The following MEIS1 variants were observed in gnomAD, a reference collection of about 807,000 sequenced individuals.
MEIS1 encodes Meis homeobox 1, also known as homeobox protein Meis1.
In MEIS1, 5 loss-of-function variants were observed where a neutral mutation model predicts 50.8. The ratio of observed to expected loss-of-function variants is 0.10; its 90% CI spans 0.05 to 0.21. The LOEUF (loss-of-function observed/expected upper bound fraction) is 0.21. Among genes scored for constraint, MEIS1 ranks in the 10% least tolerant of loss-of-function variants. The pLI, the probability that MEIS1 is intolerant of heterozygous loss-of-function variation, is 1.00. For missense variants in MEIS1, 318 were observed against 517.3 expected (o/e 0.61, Z 3.74); for synonymous variants, 176 against 179.3 (o/e 0.98, Z 0.15).
At chr2:66,541,522 C>T (rs1452035685) in intron 8 of MEIS1, among the ~76,000 whole-genome samples, 1 of 152,174 alleles carries the variant, frequency 6.6e-6, no homozygotes, top group Non-Finnish European at 1.5e-5. Context: ...CTACCTGACA[C>T]CTCCACTGGC....
intron 7 of MEIS1, among the ~76,000 whole-genome samples, chr2:66,506,430 A>G (rs879318508): frequency 1.3e-5 from 2 of 152,172 alleles, no homozygotes; most frequent in Non-Finnish European, 2.9e-5. Context: ...GCATGGTGCC[A>G]TGAGAACTTC....
intron 9 of MEIS1, among the ~76,000 whole-genome samples, chr2:66,558,308 AAAAAG>A (rs1411957502): frequency 1.3e-5 from 2 of 151,008 alleles, no homozygotes; most frequent in African/African-American, 2.4e-5. Flanking sequence ...AAAAAAAGAA[AAAAAG>A]AAAAGAAAAA....
chr2:66,568,529 C>T, intron 10 of MEIS1, 138 bp from the exon 11 acceptor site: 2 of 344,236 alleles, frequency 5.8e-6, no homozygotes. Context: ...AGAAATTTCA[C>T]TTTGAATGTT....
chr2:66,436,870 T>TA, intron 1 of MEIS1: 1 of 799,930 alleles, frequency 1.3e-6, no homozygotes, highest in African/African-American at 2.3e-5. Flanking sequence ...AATATGAAAG[T>TA]AGTTTTTTTT....
chr2:66,486,333 A>G (rs1431360302), intron 7 of MEIS1, among the ~76,000 whole-genome samples: 7 of 152,234 alleles, frequency 4.6e-5, no homozygotes, highest in African/African-American at 1.4e-4. Context: ...CAGTTTTCCC[A>G]ACACCATTTA....
intron 8 of MEIS1, among the ~76,000 whole-genome samples, chr2:66,543,333 C>A (rs1228170507): frequency 6.6e-6 from 1 of 152,152 alleles, no homozygotes; most frequent in Non-Finnish European, 1.5e-5. Context: ...TCCAGAAATA[C>A]ATGAAGAGTG....
intron 7 of MEIS1, among the ~76,000 whole-genome samples, chr2:66,485,170 A>G (rs1438504530): frequency 1.3e-5 from 2 of 152,242 alleles, no homozygotes; most frequent in Admixed American, 6.5e-5. Flanking sequence ...ACATAGGTAT[A>G]CATGTCCCAT....
chr2:66,435,953 T>A, intron 1 of MEIS1, 85 bp downstream of exon 1: 1 of 1,265,180 alleles, frequency 7.9e-7, no homozygotes, highest in Non-Finnish European at 1.1e-6. Context: ...AGTTTCCTTT[T>A]TTTCTCTCTC....
intron 9 of MEIS1, among the ~76,000 whole-genome samples, chr2:66,548,446 A>G (rs553764636): frequency 1.3e-5 from 2 of 152,340 alleles, no homozygotes; most frequent in South Asian, 2.1e-4. Flanking sequence ...TGTTAGGGCT[A>G]TGCATTCAAG....
chr2:66,476,523 ACAGT>A (rs1482833968), intron 7 of MEIS1, among the ~76,000 whole-genome samples: 1 of 152,166 alleles, frequency 6.6e-6, no homozygotes, highest in Non-Finnish European at 1.5e-5. Context: ...CAAGAAACTG[ACAGT>A]CTGGTGGAGG....
intron 6 of MEIS1, among the ~76,000 whole-genome samples, chr2:66,461,313 C>T (rs1282955754): frequency 1.3e-5 from 2 of 152,136 alleles, no homozygotes; most frequent in Non-Finnish European, 2.9e-5. Flanking sequence ...GGAGTTCGTT[C>T]TGATTAGGGC....
At chr2:66,498,808 T>C (rs13023583) in intron 7 of MEIS1, among the ~76,000 whole-genome samples, 69,834 of 152,002 alleles carry the variant, frequency 0.46, 16,394 homozygotes, top group East Asian at 0.64. Context: ...GTGTGGTCCT[T>C]GGACTGGCAG....
intron 7 of MEIS1, among the ~76,000 whole-genome samples, chr2:66,470,068 C>T (rs1672731628): frequency 6.6e-6 from 1 of 152,152 alleles, no homozygotes; most frequent in African/African-American, 2.4e-5. Flanking sequence ...GTCACAGTGA[C>T]TTGAATGATC....
chr2:66,506,328 G>T (rs894652118), intron 7 of MEIS1, among the ~76,000 whole-genome samples: 4 of 152,192 alleles, frequency 2.6e-5, no homozygotes, highest in African/African-American at 9.7e-5. Flanking sequence ...AAGGTCACCA[G>T]GAAGTTTGTC....
intron 8 of MEIS1, among the ~76,000 whole-genome samples, chr2:66,541,732 T>C (rs1674657286): frequency 6.6e-6 from 1 of 152,226 alleles, no homozygotes; most frequent in Non-Finnish European, 1.5e-5. Context: ...GCTCCAAACA[T>C]TTCTGGCTTC....
chr2:66,456,394 A>G (rs2103725752), intron 6 of MEIS1, among the ~76,000 whole-genome samples: 1 of 152,298 alleles, frequency 6.6e-6, no homozygotes, highest in South Asian at 2.1e-4. Flanking sequence ...TGAGTGCAAG[A>G]CGTAAGAGAT....
chr2:66,440,865 C>T, intron 4 of MEIS1: 4 of 556,132 alleles, frequency 7.2e-6, no homozygotes, highest in Non-Finnish European at 9.5e-6. Context: ...AGCCGGGCTG[C>T]GCAGCTCTAA....
chr2:66,450,815 C>T (rs1405748106), intron 6 of MEIS1, among the ~76,000 whole-genome samples: 1 of 152,252 alleles, frequency 6.6e-6, no homozygotes, highest in East Asian at 1.9e-4. Context: ...ATTTTCCTTA[C>T]ACTTTACAAT....
intron 6 of MEIS1, among the ~76,000 whole-genome samples, chr2:66,447,620 A>T (rs1296709472): frequency 6.6e-6 from 1 of 152,080 alleles, no homozygotes; most frequent in East Asian, 1.9e-4. Context: ...TTACTTTCTG[A>T]TTGGCTTTTA....
Sources: allele counts gnomAD v4.1 joint callset (sites outside exome capture counted in the v4.1 genomes callset), GRCh38; gene constraint gnomAD v4.1.1; transcripts MANE v1.5; gene names NCBI Gene and HGNC (gene_info 2026-07-23, HGNC 2026-07-21).